ITGA2: variants seen among roughly 807,000 people sequenced by gnomAD.
ITGA2 encodes integrin alpha-2.
Under a neutral mutation model 146.3 loss-of-function variants are expected in ITGA2, and 101 were observed. That is an observed-to-expected ratio of 0.69 (90% CI 0.59 to 0.81). The LOEUF (loss-of-function observed/expected upper bound fraction) is 0.81. Among genes scored for constraint, ITGA2 ranks in the 40% least tolerant of loss-of-function variants. ITGA2 has a pLI of 0.00. For missense variants in ITGA2, 1,281 were observed against 1,402.7 expected, an observed-to-expected ratio of 0.91 and a Z score of 1.39; for synonymous variants, 477 against 487.1, an observed-to-expected ratio of 0.98 and a Z score of 0.27.
At chr5:53,055,736 T>C (rs1744599144) in intron 8 of ITGA2, 48 bp downstream of exon 8, 1 of 1,602,250 alleles carries the variant, frequency 6.2e-7, no homozygotes, top group Non-Finnish European at 8.5e-7. Context: ...GGGTAAATCT[T>C]TCTTTATAGC....
intron 1 of ITGA2, among the ~76,000 whole-genome samples, chr5:53,018,078 C>T (rs971969687): frequency 5.9e-5 from 9 of 152,044 alleles, no homozygotes; most frequent in African/African-American, 1.9e-4. Flanking sequence ...CTGCAAGAGG[C>T]CATGGTCAGG....
rs377150294 is a variant in ITGA2 at position 53,060,960 on chromosome 5, C to A, written c.1372C>A (p.Arg458=). 16 of 1,612,268 alleles carry A rather than the reference C, an allele frequency of 9.9e-6. No individual in the cohort carries two copies. In the African/African-American group the frequency reaches 1.9e-4, roughly 19 times the overall value. The change falls in exon 12 of 30, where the codon CGG becomes AGG. Residue 458 remains arginine (R), a synonymous_variant. Transcript: ENST00000296585. ...ESTHFVAGAP[R]ANYTGQIVLY... ...CACTCACTTTGTTGCTGGTGCTCCT[C>A]GGGCAAATTATACCGGCCAGATAGT...
intron 1 of ITGA2, among the ~76,000 whole-genome samples, chr5:52,990,777 T>A (rs1740911845): frequency 6.6e-6 from 1 of 152,070 alleles, no homozygotes; most frequent in Admixed American, 6.5e-5. Context: ...AGGTTTTCTG[T>A]CTCACCTGTA....
At chr5:53,018,937 G>T (rs957332275) in intron 1 of ITGA2, among the ~76,000 whole-genome samples, 1 of 152,062 alleles carries the variant, frequency 6.6e-6, no homozygotes, top group Non-Finnish European at 1.5e-5. Flanking sequence ...GGTGGTACAC[G>T]CCTGTAATCC....
At chr5:53,046,194 CAAAAAAAAAAA>C (rs58926174) in intron 4 of ITGA2, among the ~76,000 whole-genome samples, 5 of 99,066 alleles carry the variant, frequency 5.0e-5, no homozygotes, top group Non-Finnish European at 7.9e-5. Flanking sequence ...GACTCTGTCT[CAAAAAAAAAAA>C]AAAAAAAAAA....
chr5:53,075,345 C>T (rs1745614317), intron 23 of ITGA2, 41 bp downstream of exon 23: 2 of 1,509,582 alleles, frequency 1.3e-6, no homozygotes, highest in South Asian at 2.3e-5. Flanking sequence ...CTGACACCAA[C>T]TCTAGATCAG....
intron 1 of ITGA2, among the ~76,000 whole-genome samples, chr5:53,023,850 T>C (rs1742805794): frequency 6.6e-6 from 1 of 152,184 alleles, no homozygotes; most frequent in African/African-American, 2.4e-5. Context: ...ATATGCCAAG[T>C]GTGAAATGAT....
intron 1 of ITGA2, among the ~76,000 whole-genome samples, chr5:52,996,066 G>C (rs1412782150): frequency 6.6e-6 from 1 of 152,166 alleles, no homozygotes; most frequent in Non-Finnish European, 1.5e-5. Flanking sequence ...GAACAGAGCG[G>C]CCAGAGGAGT....
chr5:53,029,239 T>G (rs3212427), intron 2 of ITGA2, among the ~76,000 whole-genome samples: 1 of 152,126 alleles, frequency 6.6e-6, no homozygotes, highest in Non-Finnish European at 1.5e-5. Flanking sequence ...GCCACTGCAC[T>G]CTAGCTTGGG....
chr5:53,040,193 A>G (rs560524601), intron 2 of ITGA2, among the ~76,000 whole-genome samples: 21 of 152,340 alleles, frequency 1.4e-4, no homozygotes, highest in Admixed American at 3.3e-4. Context: ...TAAATTCGAT[A>G]TGACTGAAAT....
At chr5:53,032,174 A>T (rs1170068974) in intron 2 of ITGA2, among the ~76,000 whole-genome samples, 1 of 87,562 alleles carries the variant, frequency 1.1e-5, no homozygotes, top group Non-Finnish European at 3.2e-5. Context: ...AAATAAAAAT[A>T]AAAAAAATCC....
chr5:52,994,845 A>T (rs1741155546), intron 1 of ITGA2, among the ~76,000 whole-genome samples: 1 of 152,196 alleles, frequency 6.6e-6, no homozygotes, highest in African/African-American at 2.4e-5. Context: ...TACAGATAAC[A>T]TGTTGAATTC....
Position 53,093,457 on chromosome 5 carries a change from T to C in ITGA2, c.*2858T>C, listed in dbSNP as rs1352760810. On this transcript the variant is annotated 3_prime_UTR_variant, in exon 30 of 30. Coordinates refer to ENST00000296585, the MANE Select transcript of ITGA2 (RefSeq NM_002203.4). ...CTTGCAGGGGCTGTCCTGTACCTTGTAGGACAGCAGCCCTGTCCTAGAAGG... is the reference window on the plus strand; with the variant it reads ...CTTGCAGGGGCTGTCCTGTACCTTGCAGGACAGCAGCCCTGTCCTAGAAGG... 6.6e-6 allele frequency: 1 copy of C among 151,896 alleles called. No individual in the cohort carries two copies. Among genetic ancestry groups the C allele is most frequent in the African/African-American group, 2.4e-5 (1 of 41,298 alleles). The allele number at this position is 151,896 out of a possible 1,614,324, so 9.4% of individuals were successfully genotyped here.
chr5:53,076,310 G>A (rs1745660544), intron 23 of ITGA2, among the ~76,000 whole-genome samples: 1 of 151,920 alleles, frequency 6.6e-6, no homozygotes, highest in African/African-American at 2.4e-5. Context: ...CATCACTCCA[G>A]CCCCTAAGAG....
intron 16 of ITGA2, 86 bp downstream of exon 16, chr5:53,067,343 C>T: frequency 2.7e-6 from 4 of 1,460,240 alleles, no homozygotes; most frequent in Non-Finnish European, 3.8e-6. Context: ...GTTTGTAGGC[C>T]AAGAGAAATA....
chr5:52,999,413 T>C (rs1338298849), intron 1 of ITGA2, among the ~76,000 whole-genome samples: 3 of 152,210 alleles, frequency 2.0e-5, no homozygotes, highest in Non-Finnish European at 2.9e-5. Flanking sequence ...TTCATTTTAC[T>C]CTACTTAGAA....
chr5:53,049,646 G>A, intron 6 of ITGA2, among the ~76,000 whole-genome samples: 1 of 151,894 alleles, frequency 6.6e-6, no homozygotes. Context: ...TCTTGAGGTA[G>A]GCACCTAAAG....
intron 29 of ITGA2, 134 bp from the exon 30 acceptor site, chr5:53,090,385 C>T: frequency 1.3e-6 from 1 of 758,710 alleles, no homozygotes; most frequent in East Asian, 2.6e-5. Context: ...ATCAGGTCAT[C>T]AGTCTGCACA....
chr5:53,052,771 G>A (rs1744439003), intron 7 of ITGA2, among the ~76,000 whole-genome samples: 1 of 152,040 alleles, frequency 6.6e-6, no homozygotes, highest in Admixed American at 6.6e-5. Flanking sequence ...AAATTCTTTT[G>A]CCTCTTCACT....
Sources: gnomAD v4.1 joint callset for allele counts (sites outside exome capture counted in the v4.1 genomes callset) on GRCh38, gnomAD v4.1.1 for gene constraint, MANE v1.5 for transcripts, NCBI Gene and HGNC (gene_info 2026-07-23, HGNC 2026-07-21) for gene names.